Variants in CSNK1G2 observed in about 807,000 individuals in gnomAD.
CSNK1G2 encodes the protein casein kinase I isoform gamma-2.
Under a neutral mutation model 48.0 loss-of-function variants are expected in CSNK1G2, and 11 were observed. That is an observed-to-expected ratio of 0.23 (90% CI 0.14 to 0.38). The LOEUF (loss-of-function observed/expected upper bound fraction) is 0.38. Ranked by LOEUF, CSNK1G2 falls within the 10% of genes least tolerant of loss-of-function variation. The pLI is 1.00. For synonymous variants in CSNK1G2, 337 were observed against 254.1 expected, an observed-to-expected ratio of 1.33 and a Z score of -3.10; for missense variants, 446 against 595.5, an observed-to-expected ratio of 0.75 and a Z score of 2.61.
chr19:1,963,223 T>C (rs1347915716), intron 1 of CSNK1G2, among the ~76,000 whole-genome samples: 3 of 152,116 alleles, frequency 2.0e-5, no homozygotes, highest in Non-Finnish European at 4.4e-5. Flanking sequence ...GTGAGTTTAT[T>C]ATAGCCCATT....
At position 1,969,790 on chromosome 19, in the gene CSNK1G2, A is replaced by AG; in HGVS notation, c.20dup (p.Gly8ArgfsTer63). The AG allele has an allele frequency of 1.5e-6, 2 of 1,307,896 alleles. No homozygotes were observed. The highest frequency in any genetic ancestry group is 2.0e-6 in the Non-Finnish European group (2 of 1,019,804). 81.0% of individuals were successfully genotyped at this position (1,307,896 alleles called of 1,614,324 possible). A position where few individuals can be genotyped will look rare whatever the true frequency, so the allele number is the denominator to read the frequency against. ...ACAAACTTATGGATTTTGACAAGAA[A>AG]GGAGGGAAAGGGGAGACGGAGGAGG... On this transcript the variant is annotated frameshift_variant, in exon 2 of 12. Coordinates refer to ENST00000255641, the MANE Select transcript of CSNK1G2 (RefSeq NM_001319.7). LOFTEE classifies it high-confidence loss of function.
At chr19:1,948,542 CA>C (rs1252415580) in intron 1 of CSNK1G2, among the ~76,000 whole-genome samples, 55 of 72,524 alleles carry the variant, frequency 7.6e-4, no homozygotes, top group Admixed American at 9.8e-4. Flanking sequence ...AAAAAAAACG[CA>C]AAAAAAAAAA....
intron 1 of CSNK1G2, chr19:1,953,912 G>A (rs575167452): frequency 2.2e-5 from 12 of 534,032 alleles, no homozygotes; most frequent in East Asian, 2.2e-4. Flanking sequence ...GGCTGTCCTC[G>A]TGGGCGTCTC....
chr19:1,967,525 G>GC (rs11403172), intron 1 of CSNK1G2, among the ~76,000 whole-genome samples: 145,992 of 152,216 alleles, frequency 0.96, 70,082 homozygotes, highest in East Asian at 1. Flanking sequence ...CAGGCAGGTG[G>GC]CTGCGGTGGC....
chr19:1,956,111 C>T (rs891393272), intron 1 of CSNK1G2, among the ~76,000 whole-genome samples: 13 of 152,282 alleles, frequency 8.5e-5, no homozygotes, highest in Non-Finnish European at 1.6e-4. Flanking sequence ...GCAGGGGTGC[C>T]GAGAGGCCCT....
intron 1 of CSNK1G2, among the ~76,000 whole-genome samples, chr19:1,946,102 A>C (rs1395100892): frequency 6.6e-6 from 1 of 152,022 alleles, no homozygotes; most frequent in Non-Finnish European, 1.5e-5. Flanking sequence ...CCCGTGGCCT[A>C]TCCCGGGGAG....
intron 1 of CSNK1G2, among the ~76,000 whole-genome samples, chr19:1,944,923 C>G (rs994657210): frequency 2.0e-5 from 3 of 152,228 alleles, no homozygotes; most frequent in African/African-American, 7.2e-5. Context: ...CCTCTAGCAT[C>G]CCACCCTTGC....
chr19:1,971,766 C>CTTT (rs60024174), intron 2 of CSNK1G2, among the ~76,000 whole-genome samples: 69 of 116,140 alleles, frequency 5.9e-4, no homozygotes, highest in Admixed American at 8.5e-4. Context: ...GTGATGCCAG[C>CTTT]TTTTTTTTTT....
intron 1 of CSNK1G2, among the ~76,000 whole-genome samples, chr19:1,952,175 A>G (rs1471986326): frequency 6.6e-6 from 1 of 152,202 alleles, no homozygotes; most frequent in East Asian, 1.9e-4. Context: ...GACAGCAAGC[A>G]CACCTTGGCC....
Position 1,978,955 on chromosome 19 carries a change from C to T in CSNK1G2, c.544C>T (p.His182Tyr). ...GGGCCGCCCGGGGACCAAGCGGCAG[C>T]ATGCCATCCACATCATCGACTTCGG... ...LVGRPGTKRQHAIHIIDFGLA... is the reference protein window; with the variant it reads ...LVGRPGTKRQYAIHIIDFGLA... The change falls in exon 6 of 12, where the codon CAT becomes TAT. Residue 182 changes from histidine (H) to tyrosine (Y), a missense_variant. His to Tyr is a moderately conservative substitution (Grantham distance 83). Transcript: ENST00000255641. This position sits in a 1 kb window ranked among gnomAD's most constrained non-coding sequence, Gnocchi z 7.3. The T allele has an allele frequency of 1.2e-6, 2 of 1,601,240 alleles. No homozygotes were observed. The highest frequency in any genetic ancestry group is 1.7e-6 in the Non-Finnish European group (2 of 1,179,714).
chr19:1,945,327 C>G (rs112107286), intron 1 of CSNK1G2, among the ~76,000 whole-genome samples: 2 of 150,398 alleles, frequency 1.3e-5, no homozygotes, highest in Non-Finnish European at 2.9e-5. Context: ...GCTGACTGTT[C>G]GGGGCACGCG....
rs372673900 is a variant in CSNK1G2 at position 1,946,305 on chromosome 19, T to A, written c.-266+4887T>A. Among the ~76,000 whole-genome samples the A allele has an allele frequency of 2.3e-3, 334 of 143,022 alleles. 2 individuals are homozygous for A. The highest frequency in any genetic ancestry group is 3.6e-3 in the Non-Finnish European group (229 of 64,086). 93.8% of individuals were successfully genotyped at this position (143,022 alleles called of 152,430 possible). A position where few individuals can be genotyped will look rare whatever the true frequency, so the allele number is the denominator to read the frequency against. On this transcript the variant is annotated intron_variant, in intron 1 of 11. Transcript: ENST00000255641. The stretch of plus-strand genomic sequence containing the variant: ...TTATTTATTTTTTATTTATTTATTT[T>A]TTTTAAGATGGAGTCTTGCACTGTT...
chr19:1,946,688 C>T (rs1188762055), intron 1 of CSNK1G2, among the ~76,000 whole-genome samples: 3 of 151,250 alleles, frequency 2.0e-5, no homozygotes, highest in Non-Finnish European at 4.4e-5. Flanking sequence ...TCTTGGCTCA[C>T]TGCAAGCTCC....
chr19:1,957,962 C>T lies in CSNK1G2; in HGVS notation c.-265-11546C>T, dbSNP rs2015056004. ...GCCAGCCTCATGTCACCACGTGCTT[C>T]CCCCGTGTGCAGGGAGGGGTTGGAG... On this transcript the variant is annotated intron_variant, in intron 1 of 11. Transcript: ENST00000255641. This position sits in a 1 kb window ranked among gnomAD's most constrained non-coding sequence, Gnocchi z 5.4. Among the ~76,000 whole-genome samples, 2 of 152,146 alleles carry T rather than the reference C, an allele frequency of 1.3e-5. No homozygotes were observed. The highest frequency in any genetic ancestry group is 4.8e-5 in the African/African-American group (2 of 41,426).
In CSNK1G2 at chr19:1,978,847, GC is replaced by G. The variant is rs767226803; in HGVS notation, c.448-6del. The G allele has an allele frequency of 1.9e-6, 3 of 1,597,766 alleles. No individual in the cohort carries two copies. Among genetic ancestry groups the G allele is most frequent in the South Asian group, 2.2e-5 (2 of 90,680 alleles). ...GGAGGGGCCCGGCCGACACCGCCGT[GC>G]CCCCCTGCAGATCACGCGCATGGAG... On this transcript the variant is annotated splice_polypyrimidine_tract_variant and intron_variant, in intron 5 of 11. Transcript: ENST00000255641. The surrounding 1 kb of genome is among the most constrained non-coding windows in gnomAD (Gnocchi z 7.3).
At chr19:1,949,015 A>G (rs1313612869) in intron 1 of CSNK1G2, among the ~76,000 whole-genome samples, 1 of 151,930 alleles carries the variant, frequency 6.6e-6, no homozygotes, top group East Asian at 1.9e-4. Flanking sequence ...GGGCTGAGGA[A>G]GGGAGGGTGG....
In CSNK1G2 at chr19:1,969,673, G is replaced by C; in HGVS notation, c.-100G>C. 2 of 1,068,980 alleles carry C rather than the reference G, an allele frequency of 1.9e-6. No individual in the cohort carries two copies. Among genetic ancestry groups the C allele is most frequent in the Non-Finnish European group, 2.4e-6 (2 of 827,196 alleles). The allele number at this position is 1,068,980 out of a possible 1,614,324, so 66.2% of individuals were successfully genotyped here. On this transcript the variant is annotated 5_prime_UTR_variant, in exon 2 of 12. Coordinates refer to ENST00000255641, the MANE Select transcript of CSNK1G2 (RefSeq NM_001319.7). The stretch of plus-strand genomic sequence containing the variant: ...CCCACGCCCGCCCACCGGCCGCAGT[G>C]ATGTTCTAGCCACAGAGGAGCCAAG...
intron 1 of CSNK1G2, among the ~76,000 whole-genome samples, chr19:1,966,974 G>A (rs577010377): frequency 1.2e-4 from 19 of 152,064 alleles, no homozygotes; most frequent in Non-Finnish European, 2.1e-4. Flanking sequence ...GGGCTCAAAC[G>A]ATCCTCCCGC....
At chr19:1,977,764 A>AG (rs1336763864) in intron 2 of CSNK1G2, among the ~76,000 whole-genome samples, 3 of 151,430 alleles carry the variant, frequency 2.0e-5, no homozygotes, top group Non-Finnish European at 4.4e-5. Flanking sequence ...AAAAAAAAAA[A>AG]AAAAAAGGTT....
Sources: gnomAD v4.1 joint callset for allele counts (sites outside exome capture counted in the v4.1 genomes callset) on GRCh38, gnomAD v4.1.1 for gene constraint, Gnocchi (gnomAD v3.1) non-coding constraint, MANE v1.5 for transcripts, NCBI Gene and HGNC (gene_info 2026-07-23, HGNC 2026-07-21) for gene names.